NAALADL2: variants seen among roughly 807,000 people sequenced by gnomAD.
NAALADL2 encodes the protein inactive N-acetylated-alpha-linked acidic dipeptidase-like protein 2.
In NAALADL2, 76 loss-of-function variants were observed where a neutral mutation model predicts 87.2. That is an observed-to-expected ratio of 0.87 (90% CI 0.72 to 1.05). NAALADL2 has a LOEUF of 1.05. Ranked by LOEUF, NAALADL2 falls within the 50% of genes least tolerant of loss-of-function variation. The pLI is 0.00. For missense variants in NAALADL2, 1,089 were observed against 945.8 expected (o/e 1.15, Z -1.99); for synonymous variants, 354 against 331.0 (o/e 1.07, Z -0.75).
intron 13 of NAALADL2, among the ~76,000 whole-genome samples, chr3:175,755,772 C>T (rs1374208516): frequency 2.7e-5 from 4 of 150,372 alleles, no homozygotes; most frequent in Admixed American, 2.0e-4. Context: ...CTATTTTTTC[C>T]TGCAAAGATC....
intron 2 of NAALADL2, among the ~76,000 whole-genome samples, chr3:175,193,564 C>T (rs192539906): frequency 3.7e-4 from 56 of 151,944 alleles, no homozygotes; most frequent in African/African-American, 1.3e-3. Flanking sequence ...ACCTTTTTCT[C>T]TCTTCTCTTT....
At chr3:175,698,483 T>TTTTTTTTATATATA (rs1398396262) in intron 11 of NAALADL2, among the ~76,000 whole-genome samples, 1 of 67,774 alleles carries the variant, frequency 1.5e-5, no homozygotes, top group African/African-American at 9.0e-5. Context: ...GTATATATAT[T>TTTTTTTTATATATA]TATATATATA....
chr3:174,713,200 T>G (rs62287769), intron 2 of NAALADL2, among the ~76,000 whole-genome samples: 1 of 152,020 alleles, frequency 6.6e-6, no homozygotes, highest in Admixed American at 6.5e-5. Flanking sequence ...ATCCAGTCTA[T>G]CATTGACGGA....
chr3:175,326,489 A>C (rs1448328063), intron 5 of NAALADL2, among the ~76,000 whole-genome samples: 1 of 152,136 alleles, frequency 6.6e-6, no homozygotes, highest in African/African-American at 2.4e-5. Context: ...CCACTTCCAA[A>C]GCTGCTTCTA....
chr3:175,423,028 A>AATAT (rs71634273), intron 5 of NAALADL2, among the ~76,000 whole-genome samples: 9 of 111,306 alleles, frequency 8.1e-5, no homozygotes, highest in South Asian at 5.4e-4. Flanking sequence ...GAAAAAAAAA[A>AATAT]ATATATATAT....
At chr3:174,782,741 G>A (rs144992866) in intron 3 of NAALADL2, among the ~76,000 whole-genome samples, 12 of 152,186 alleles carry the variant, frequency 7.9e-5, no homozygotes, top group East Asian at 1.9e-4. Flanking sequence ...ACATGTTGGC[G>A]AGAGAGGTGC....
At position 174,591,737 on chromosome 3, in the gene NAALADL2, C is replaced by T. The variant is rs189166690; in HGVS notation, c.-115+41100C>T. Among the ~76,000 whole-genome samples, 325 of 152,096 alleles carry T rather than the reference C, an allele frequency of 2.1e-3. 4 individuals carry two copies. The highest frequency in any genetic ancestry group is 7.3e-3 in the African/African-American group (304 of 41,480). ...CAGTCTTTTTATAGTTGTGAATTTC[C>T]GATTCTAAAGTTAGAATGAAATTAT... is the stretch of plus-strand genomic sequence containing the variant. On this transcript the variant is annotated intron_variant, in intron 2 of 3. Coordinates refer to the NAALADL2 transcript ENST00000434257.
intron 2 of NAALADL2, among the ~76,000 whole-genome samples, chr3:174,582,314 G>A (rs1046245623): frequency 1.3e-5 from 2 of 152,110 alleles, no homozygotes; most frequent in African/African-American, 2.4e-5. Flanking sequence ...TAGACTGGCT[G>A]GCTATGGAAT....
At position 175,803,126 on chromosome 3, in the gene NAALADL2, A is replaced by G; in HGVS notation, c.2311A>G (p.Asn771Asp). ...TLQEALSEVL[N>D]SINSAQVYFK... ...TCAAGAAGCCCTGTCAGAGGTGTTG[A>G]ACAGCATTAATTCAGCTCAGGTTTA... Residue 771 changes from asparagine to aspartate, a missense_variant, in exon 14 of 14, where the codon AAC becomes GAC. Transcript: ENST00000454872. 6.2e-7 allele frequency: 1 copy of G among 1,612,524 alleles called. No homozygotes were observed. The highest frequency in any genetic ancestry group is 8.5e-7 in the Non-Finnish European group (1 of 1,179,014).
At chr3:175,788,673 G>C (rs549764693) in intron 13 of NAALADL2, among the ~76,000 whole-genome samples, 48 of 152,260 alleles carry the variant, frequency 3.2e-4, no homozygotes, top group Middle Eastern at 3.4e-3. Flanking sequence ...CTGTAGTTAA[G>C]TAATATATGA....
chr3:174,599,281 T>C (rs1415499661), intron 2 of NAALADL2, among the ~76,000 whole-genome samples: 1 of 152,160 alleles, frequency 6.6e-6, no homozygotes, highest in Non-Finnish European at 1.5e-5. Flanking sequence ...TTGATAGCTA[T>C]GATAGGCAGA....
chr3:175,486,046 G>A (rs1244880232), intron 9 of NAALADL2, among the ~76,000 whole-genome samples: 1 of 152,188 alleles, frequency 6.6e-6, no homozygotes, highest in South Asian at 2.1e-4. Context: ...ATACACATTG[G>A]TTGCTCAATC....
At chr3:175,486,349 G>C (rs1353206147) in intron 9 of NAALADL2, among the ~76,000 whole-genome samples, 1 of 152,018 alleles carries the variant, frequency 6.6e-6, no homozygotes, top group East Asian at 1.9e-4. Context: ...TCACCTCTAG[G>C]ACTCATGGAG....
chr3:175,030,631 C>A (rs1316585481), intron 1 of NAALADL2, among the ~76,000 whole-genome samples: 1 of 151,936 alleles, frequency 6.6e-6, no homozygotes, highest in East Asian at 1.9e-4. Context: ...GATTGATTTA[C>A]AATTAGGACT....
chr3:174,780,131 T>A (rs1715757700), intron 3 of NAALADL2, among the ~76,000 whole-genome samples: 1 of 152,212 alleles, frequency 6.6e-6, no homozygotes, highest in Non-Finnish European at 1.5e-5. Flanking sequence ...TTTGTTTGTG[T>A]CCTCTCTTAT....
chr3:175,354,881 T>TATACAC (rs1553872126), intron 5 of NAALADL2, among the ~76,000 whole-genome samples: 4,056 of 146,900 alleles, frequency 0.028, 96 homozygotes, highest in Non-Finnish European at 0.04. Flanking sequence ...TACATATATA[T>TATACAC]ACACACACAC....
At chr3:174,643,008 C>G (rs1220876088) in intron 2 of NAALADL2, among the ~76,000 whole-genome samples, 1 of 151,952 alleles carries the variant, frequency 6.6e-6, no homozygotes, top group Non-Finnish European at 1.5e-5. Flanking sequence ...TCTTGAACTC[C>G]TGGGTTCAAG....
intron 1 of NAALADL2, among the ~76,000 whole-genome samples, chr3:175,007,910 G>A (rs1242421982): frequency 7.9e-5 from 12 of 152,114 alleles, no homozygotes; most frequent in Non-Finnish European, 1.6e-4. Flanking sequence ...CTCAAGCACC[G>A]CACCACAGCC....
intron 2 of NAALADL2, among the ~76,000 whole-genome samples, chr3:175,209,354 A>T (rs2109247337): frequency 6.6e-6 from 1 of 152,222 alleles, no homozygotes; most frequent in South Asian, 2.1e-4. Context: ...CTGCCAAACT[A>T]GTCAGGGAGA....
Sources: gnomAD v4.1 joint callset for allele counts (sites outside exome capture counted in the v4.1 genomes callset) on GRCh38, gnomAD v4.1.1 for gene constraint, MANE v1.5 for transcripts, NCBI Gene and HGNC (gene_info 2026-07-23, HGNC 2026-07-21) for gene names.